The following FANK1 variants were observed in gnomAD, a reference collection of about 807,000 sequenced individuals.
The protein encoded by FANK1 is fibronectin type III and ankyrin repeat domains 1.
FANK1 carries 44 observed loss-of-function variants against 45.3 expected under a neutral mutation model. The ratio of observed to expected loss-of-function variants is 0.97; its 90% CI spans 0.76 to 1.25. FANK1 has a LOEUF of 1.25. FANK1 is among the 50% of genes most tolerant of loss of function. The pLI is 0.00. For synonymous variants in FANK1, 149 were observed against 152.5 expected, an observed-to-expected ratio of 0.98 and a Z score of 0.17; for missense variants, 391 against 424.4, an observed-to-expected ratio of 0.92 and a Z score of 0.69.
intron 1 of FANK1, among the ~76,000 whole-genome samples, chr10:125,921,655 C>A (rs1255309362): frequency 1.3e-5 from 2 of 152,126 alleles, no homozygotes; most frequent in Middle Eastern, 3.2e-3. Flanking sequence ...GGTATTCAAG[C>A]TGTCTGTTTC....
chr10:125,999,451 G>A (rs904638384), intron 6 of FANK1, among the ~76,000 whole-genome samples: 2 of 152,104 alleles, frequency 1.3e-5, no homozygotes, highest in Non-Finnish European at 2.9e-5. Context: ...TAAAGTGAAG[G>A]TTACTTTCAG....
intron 3 of FANK1, 91 bp from the exon 4 acceptor site, chr10:125,995,326 A>T: frequency 8.7e-7 from 1 of 1,152,056 alleles, no homozygotes; most frequent in East Asian, 2.4e-5. Flanking sequence ...CTTCCTGAAG[A>T]TGATCCCCTG....
intron 1 of FANK1, among the ~76,000 whole-genome samples, chr10:125,968,080 CT>C (rs879713092): frequency 0.013 from 1,936 of 144,912 alleles, 43 homozygotes; most frequent in African/African-American, 0.044. Flanking sequence ...TTAATTTCTT[CT>C]TTTTTTTTTT....
At chr10:125,979,315 A>G (rs1447453664) in intron 1 of FANK1, among the ~76,000 whole-genome samples, 1 of 152,156 alleles carries the variant, frequency 6.6e-6, no homozygotes, top group Non-Finnish European at 1.5e-5. Flanking sequence ...CAGGTACACC[A>G]GCTGCTTCTA....
At chr10:125,912,225 C>T (rs4440946) in intron 1 of FANK1, among the ~76,000 whole-genome samples, 3 of 152,026 alleles carry the variant, frequency 2.0e-5, no homozygotes, top group African/African-American at 4.8e-5. Flanking sequence ...CACTCCTCAT[C>T]GATTATTTGC....
intron 1 of FANK1, among the ~76,000 whole-genome samples, chr10:125,945,914 A>G (rs532471046): frequency 6.6e-6 from 1 of 152,332 alleles, no homozygotes; most frequent in Admixed American, 6.5e-5. Context: ...GAGAACCGGC[A>G]GACTGCCTCC....
rs911673811 is a variant in FANK1 at position 125,996,533 on chromosome 10, T to G, written c.399-17T>G. Reference sequence around the variant, plus strand: ...CTGTACTGAGCATGTTTATCTCTTTTCTCTGCTTTTCCCAAGCCGTGTTAA... The same window carrying G: ...CTGTACTGAGCATGTTTATCTCTTTGCTCTGCTTTTCCCAAGCCGTGTTAA... On this transcript the variant is annotated splice_polypyrimidine_tract_variant and intron_variant, in intron 4 of 10. Coordinates refer to ENST00000368693, the MANE Select transcript of FANK1 (RefSeq NM_145235.5). 1 of 1,613,708 alleles carries G rather than the reference T, an allele frequency of 6.2e-7. No individual in the cohort carries two copies. The highest frequency in any genetic ancestry group is 1.3e-5 in the African/African-American group (1 of 74,902).
intron 1 of FANK1, among the ~76,000 whole-genome samples, chr10:125,957,066 A>G (rs569571593): frequency 6.6e-6 from 1 of 152,312 alleles, no homozygotes; most frequent in South Asian, 2.1e-4. Flanking sequence ...CATGTTAGCT[A>G]GGATGGTCAC....
intron 1 of FANK1, among the ~76,000 whole-genome samples, chr10:125,964,565 C>A (rs1181584335): frequency 1.3e-5 from 2 of 152,178 alleles, no homozygotes; most frequent in East Asian, 3.8e-4. Context: ...GATTTATTCA[C>A]ATGGATATAT....
intron 4 of FANK1, chr10:125,995,707 G>A (rs1307643146): frequency 9.6e-6 from 5 of 520,144 alleles, no homozygotes; most frequent in East Asian, 3.0e-5. Context: ...TTGTGATTGT[G>A]TAATAGAAAT....
chr10:125,901,556 T>G (rs1945038767), intron 1 of FANK1, among the ~76,000 whole-genome samples: 1 of 152,216 alleles, frequency 6.6e-6, no homozygotes, highest in Non-Finnish European at 1.5e-5. Context: ...CTTAGATGTA[T>G]TATGCTTCAA....
intron 1 of FANK1, among the ~76,000 whole-genome samples, chr10:125,929,653 T>C (rs2134140114): frequency 6.6e-6 from 1 of 152,298 alleles, no homozygotes; most frequent in South Asian, 2.1e-4. Context: ...TTTTTATGTA[T>C]GGTATTGTTA....
chr10:126,005,114 T>C, intron 7 of FANK1, 65 bp downstream of exon 7: 1 of 1,541,696 alleles, frequency 6.5e-7, no homozygotes, highest in Non-Finnish European at 8.8e-7. Flanking sequence ...CTCCATGGGG[T>C]CTGGCAGAAG....
chr10:125,931,491 A>G (rs991078585), intron 1 of FANK1, among the ~76,000 whole-genome samples: 3 of 152,072 alleles, frequency 2.0e-5, no homozygotes, highest in Non-Finnish European at 4.4e-5. Flanking sequence ...TTTTTCATAT[A>G]TTAGTTGGCC....
At position 126,009,115 on chromosome 10, in the gene FANK1, C is replaced by G; in HGVS notation, c.911C>G (p.Ala304Gly). The G allele has an allele frequency of 4.3e-6, 7 of 1,614,132 alleles. No individual in the cohort carries two copies. Among genetic ancestry groups the G allele is most frequent in the East Asian group, 2.2e-5 (1 of 44,886 alleles). ...VQLLLDKGAD[A>G]SVKNEFGKGV... ...TTACTTCTTGACAAAGGGGCAGATG[C>G]AAGTGTAAAAAATGAGGTAAATGAG... Residue 304 changes from alanine to glycine, a missense_variant, in exon 9 of 11, where the codon GCA (alanine) becomes GGA (glycine). Ala to Gly is a moderately conservative substitution (Grantham distance 60, BLOSUM62 0). Coordinates refer to ENST00000368693, the MANE Select transcript of FANK1 (RefSeq NM_145235.5).
chr10:125,917,257 C>T (rs1364187977), intron 1 of FANK1, among the ~76,000 whole-genome samples: 1 of 152,138 alleles, frequency 6.6e-6, no homozygotes, highest in Non-Finnish European at 1.5e-5. Flanking sequence ...GAAGGAAGTC[C>T]CCTCTGCTTT....
At chr10:125,995,097 C>A (rs1952226971) in intron 3 of FANK1, 1 of 315,326 alleles carries the variant, frequency 3.2e-6, no homozygotes, top group Non-Finnish European at 4.6e-6. Flanking sequence ...TGAGGTTTTC[C>A]TTGCTTGTAG....
At chr10:125,936,141 A>G (rs1349714534) in intron 1 of FANK1, among the ~76,000 whole-genome samples, 1 of 152,226 alleles carries the variant, frequency 6.6e-6, no homozygotes, top group Admixed American at 6.6e-5. Flanking sequence ...TGCAAAATGT[A>G]TAATTTAAAG....
chr10:125,926,599 TC>T (rs1467637914), intron 1 of FANK1, among the ~76,000 whole-genome samples: 1 of 145,254 alleles, frequency 6.9e-6, no homozygotes, highest in Non-Finnish European at 1.5e-5. Context: ...TATCTTGTGA[TC>T]CGTCAAAGTT....
Sources: gnomAD v4.1 joint callset for allele counts (sites outside exome capture counted in the v4.1 genomes callset) on GRCh38, gnomAD v4.1.1 for gene constraint, MANE v1.5 for transcripts, NCBI Gene and HGNC (gene_info 2026-07-23, HGNC 2026-07-21) for gene names.